Variants in DNAH8 observed in about 807,000 individuals in gnomAD.
The protein encoded by DNAH8 is axonemal beta dynein heavy chain 8.
DNAH8 carries 382 observed loss-of-function variants against 562.1 expected under a neutral mutation model. The observed-to-expected ratio is 0.68, with a 90% CI of 0.63 to 0.74. The LOEUF (loss-of-function observed/expected upper bound fraction) is 0.74, where lower values mean the gene tolerates loss of function less well. Ranked by LOEUF, DNAH8 falls within the 30% of genes least tolerant of loss-of-function variation. The probability of loss-of-function intolerance (pLI) is 0.00; values close to 1 mark genes in which losing one functional copy is unlikely to be tolerated. For synonymous variants in DNAH8, 1,881 were observed against 1,919.4 expected (o/e 0.98, Z 0.52); for missense variants, 5,203 against 5,620.4 (o/e 0.93, Z 2.37).
intron 42 of DNAH8, among the ~76,000 whole-genome samples, chr6:38,859,340 G>C (rs1267239917): frequency 6.6e-6 from 1 of 152,138 alleles, no homozygotes; most frequent in African/African-American, 2.4e-5. Context: ...CTGTGCTTTA[G>C]GTGGGAAGCC....
intron 47 of DNAH8, 42 bp downstream of exon 47, chr6:38,866,918 G>T (rs567349469): frequency 1.6e-5 from 20 of 1,252,450 alleles, no homozygotes; most frequent in African/African-American, 1.2e-4. Flanking sequence ...ATAGTATTTG[G>T]TTTTTTTGCT....
intron 91 of DNAH8, among the ~76,000 whole-genome samples, chr6:39,025,314 G>A (rs1011922476): frequency 6.6e-6 from 1 of 152,114 alleles, no homozygotes; most frequent in Non-Finnish European, 1.5e-5. Context: ...TAATGACAAC[G>A]TTGTGTCAAT....
intron 53 of DNAH8, among the ~76,000 whole-genome samples, chr6:38,877,183 A>G (rs1281211097): frequency 2.0e-5 from 3 of 152,118 alleles, no homozygotes; most frequent in African/African-American, 7.2e-5. Flanking sequence ...GCCCCAAGTT[A>G]CTCAGAGAGT....
At chr6:38,933,175 C>T (rs748185099) in intron 76 of DNAH8, among the ~76,000 whole-genome samples, 1 of 152,066 alleles carries the variant, frequency 6.6e-6, no homozygotes, top group Admixed American at 6.5e-5. Flanking sequence ...TGATTCCTCG[C>T]TGGTCTAGAT....
At position 38,882,800 on chromosome 6, in the gene DNAH8, G is replaced by A. The variant is rs72852777; in HGVS notation, c.7859-110G>A. On this transcript the variant is annotated intron_variant, in intron 53 of 92. Transcript: ENST00000327475. ...TTAACATGTTTTAGGAAAACATTTTGAATGTTTATACGATTCTATTGATTG... is the reference window on the plus strand; with the variant it reads ...TTAACATGTTTTAGGAAAACATTTTAAATGTTTATACGATTCTATTGATTG... 105,751 of 686,366 alleles carry A rather than the reference G, an allele frequency of 0.15. 8,735 individuals carry two copies. The highest frequency in any genetic ancestry group is 0.27 in the Admixed American group (8,595 of 32,402). The allele number at this position is 686,366 out of a possible 1,614,324, so 42.5% of individuals were successfully genotyped here. A position where few individuals can be genotyped will look rare whatever the true frequency, so the allele number is the denominator to read the frequency against.
chr6:39,009,164 T>G (rs1190721761), intron 89 of DNAH8, among the ~76,000 whole-genome samples, 194 bp downstream of exon 89: 1 of 152,158 alleles, frequency 6.6e-6, no homozygotes, highest in Non-Finnish European at 1.5e-5. Context: ...AACTTAAAAA[T>G]ATCAGAAGAA....
At position 38,778,409 on chromosome 6, in the gene DNAH8, A is replaced by T; in HGVS notation, c.1984A>T (p.Asn662Tyr). 6.3e-7 allele frequency: 1 copy of T among 1,580,518 alleles called. No individual in the cohort carries two copies. The highest frequency in any genetic ancestry group is 1.1e-5 in the South Asian group (1 of 89,308). Reference sequence around the variant, plus strand: ...TTAGGTACAAATACAGGCATTTATGAACAGTAGTTTTGGGAAAATCTTATC... The same window carrying T: ...TTAGGTACAAATACAGGCATTTATGTACAGTAGTTTTGGGAAAATCTTATC... ...GLEVQIQAFMNSSFGKILSSQ... is the reference protein window; with the variant it reads ...GLEVQIQAFMYSSFGKILSSQ... The change falls in exon 14 of 93, where the codon AAC becomes TAC. Residue 662 changes from asparagine (N) to tyrosine (Y), a missense_variant. Around this residue, in one of 6 missense-constraint regions of DNAH8, gnomAD observed 2,176 missense variants for 2,365.1 expected, o/e 0.92. Coordinates refer to ENST00000327475, the MANE Select transcript of DNAH8 (RefSeq NM_001206927.2).
Position 38,872,653 on chromosome 6 carries a change from A to G in DNAH8, c.7108A>G (p.Arg2370Gly). 2 of 1,614,156 alleles carry G rather than the reference A, an allele frequency of 1.2e-6. No homozygotes were observed. Among genetic ancestry groups the G allele is most frequent in the Non-Finnish European group, 1.7e-6 (2 of 1,179,984 alleles). ...KAQTECGRPHREMRMNPKAIT... is the reference protein window; with the variant it reads ...KAQTECGRPHGEMRMNPKAIT... ...GCAAACAGAATGCGGAAGGCCTCAT[A>G]GAGAAATGCGAATGAATCCAAAAGC... is the stretch of plus-strand genomic sequence containing the variant. The change falls in exon 50 of 93, where the codon AGA (arginine) becomes GGA (glycine). Residue 2370 changes from arginine to glycine, a missense_variant. Physicochemically the swap from Arg to Gly is moderately radical, Grantham distance 125. Around this residue, in one of 6 missense-constraint regions of DNAH8, gnomAD observed 2,176 missense variants for 2,365.1 expected, o/e 0.92. Transcript: ENST00000327475.
In DNAH8 at chr6:38,984,451, TA is replaced by T. The variant is rs1561943250; in HGVS notation, c.13053+145del. On this transcript the variant is annotated intron_variant, in intron 87 of 92. Transcript: ENST00000327475. ...CAAGAAACAAATGCATGTGTGCGCT[TA>T]CACACACGCACACACATGCACACAC... The T allele has an allele frequency of 1.9e-4, 119 of 626,396 alleles. No homozygotes were observed. In the African/African-American group the frequency reaches 2.0e-3, roughly 11 times the overall value. The allele number at this position is 626,396 out of a possible 1,614,324, so 38.8% of individuals were successfully genotyped here.
intron 92 of DNAH8, among the ~76,000 whole-genome samples, chr6:39,027,656 G>A (rs35548896): frequency 0.14 from 20,977 of 151,902 alleles, 1,789 homozygotes; most frequent in East Asian, 0.41. Context: ...GGTGAAACCC[G>A]TCTCTACTAA....
intron 52 of DNAH8, among the ~76,000 whole-genome samples, 153 bp from the exon 53 acceptor site, chr6:38,875,438 G>A (rs1449583389): frequency 1.3e-5 from 2 of 152,072 alleles, no homozygotes; most frequent in Non-Finnish European, 2.9e-5. Context: ...TTTCTTCTAC[G>A]TGCTGTTGGC....
chr6:38,734,335 C>CCCCAA, intron 4 of DNAH8, 139 bp from the exon 5 acceptor site: 1 of 557,576 alleles, frequency 1.8e-6, no homozygotes, highest in South Asian at 2.4e-5. Context: ...GACCCCCCCC[C>CCCCAA]AAAAAAATTA....
intron 79 of DNAH8, among the ~76,000 whole-genome samples, chr6:38,943,127 G>A (rs1326448625): frequency 6.6e-6 from 1 of 152,216 alleles, no homozygotes; most frequent in Non-Finnish European, 1.5e-5. Context: ...GCAATAGGGA[G>A]CCATCGAATG....
intron 85 of DNAH8, among the ~76,000 whole-genome samples, chr6:38,975,167 G>A (rs1215688769): frequency 2.0e-5 from 3 of 152,174 alleles, no homozygotes; most frequent in Admixed American, 6.5e-5. Context: ...TAGTACTGAC[G>A]CAGTAATTTA....
At chr6:38,895,074 A>G (rs1281069303) in intron 59 of DNAH8, among the ~76,000 whole-genome samples, 1 of 152,064 alleles carries the variant, frequency 6.6e-6, no homozygotes, top group South Asian at 2.1e-4. Flanking sequence ...GATCACAGGC[A>G]TGCACCACCA....
chr6:38,888,876 T>C, intron 57 of DNAH8, among the ~76,000 whole-genome samples: 1 of 152,240 alleles, frequency 6.6e-6, no homozygotes, highest in Non-Finnish European at 1.5e-5. Flanking sequence ...CAGTACCACT[T>C]CTAGGTTTAT....
rs368883182 is a variant in DNAH8 at position 38,973,785 on chromosome 6, A to G, written c.12650A>G (p.His4217Arg). ...CGAGTATGGATAACTACGGAGCCCC[A>G]TGATCGATTTCCAATTACATTGCTT... ...SFRVWITTEP[H>R]DRFPITLLQT... Residue 4217 changes from histidine to arginine, a missense_variant, in exon 84 of 93, where the codon CAT becomes CGT. This residue lies in a region of DNAH8 where 1,399 missense variants were observed against 1,518.4 expected (regional missense o/e 0.92). Transcript: ENST00000327475. The G allele has an allele frequency of 1.9e-6, 3 of 1,606,664 alleles. No homozygotes were observed. Among genetic ancestry groups the G allele is most frequent in the East Asian group, 2.2e-5 (1 of 44,632 alleles).
In DNAH8 at chr6:38,842,490, T is replaced by C; in HGVS notation, c.4589T>C (p.Leu1530Pro). ...VDIEKINAEL[L>P]EFQNRCRKLP... ...ATTGAAAAAATTAATGCAGAACTGC[T>C]GGAATTTCAAAACAGGTGAGTTTCA... The change falls in exon 34 of 93, where the codon CTG becomes CCG. Residue 1530 changes from leucine to proline, a missense_variant. Leu to Pro is a moderately conservative substitution (Grantham distance 98). Coordinates refer to ENST00000327475, the MANE Select transcript of DNAH8 (RefSeq NM_001206927.2). 1 of 1,611,354 alleles carries C rather than the reference T, an allele frequency of 6.2e-7. No homozygotes were observed. The highest frequency in any genetic ancestry group is 8.5e-7 in the Non-Finnish European group (1 of 1,179,324).
intron 88 of DNAH8, among the ~76,000 whole-genome samples, chr6:39,003,134 C>T (rs1016867987): frequency 2.0e-5 from 3 of 152,210 alleles, no homozygotes; most frequent in Admixed American, 6.5e-5. Flanking sequence ...TTAACTTTCC[C>T]AGCAGCCTCT....
Sources: allele counts gnomAD v4.1 joint callset (sites outside exome capture counted in the v4.1 genomes callset), GRCh38; gene constraint gnomAD v4.1.1; regional missense constraint gnomAD v4.1.1; transcripts MANE v1.5; gene names NCBI Gene and HGNC (gene_info 2026-07-23, HGNC 2026-07-21).